Variants in BMPER observed in about 807,000 individuals in gnomAD.
BMPER encodes the protein BMP-binding endothelial regulator protein.
In BMPER, 45 loss-of-function variants were observed where a neutral mutation model predicts 87.3. The observed-to-expected ratio is 0.52, with a 90% CI of 0.41 to 0.66. BMPER has a LOEUF of 0.66. Among genes scored for constraint, BMPER ranks in the 30% least tolerant of loss-of-function variants. The pLI is 0.00. For missense variants in BMPER, 784 were observed against 867.5 expected (o/e 0.90, Z 1.21); for synonymous variants, 326 against 316.2 (o/e 1.03, Z -0.33).
intron 6 of BMPER, among the ~76,000 whole-genome samples, chr7:34,017,362 A>G (rs1029703008): frequency 2.0e-5 from 3 of 151,814 alleles, no homozygotes; most frequent in African/African-American, 4.8e-5. Context: ...GGACCTCACA[A>G]TCATGGTGGA....
At chr7:33,994,146 A>G (rs1192282937) in intron 6 of BMPER, among the ~76,000 whole-genome samples, 4 of 152,152 alleles carry the variant, frequency 2.6e-5, no homozygotes, top group Admixed American at 6.5e-5. Flanking sequence ...GGTGGGCTCC[A>G]CCCAGTTCGA....
intron 6 of BMPER, among the ~76,000 whole-genome samples, chr7:34,039,929 A>C (rs1293440564): frequency 6.6e-6 from 1 of 151,986 alleles, no homozygotes; most frequent in Non-Finnish European, 1.5e-5. Flanking sequence ...GTTATTTGAA[A>C]ATAGAGGATT....
At chr7:34,152,984 A>G in intron 14 of BMPER, 108 bp from the exon 15 acceptor site, 3 of 1,272,600 alleles carry the variant, frequency 2.4e-6, no homozygotes, top group East Asian at 2.3e-5. Flanking sequence ...ATCCTGAGCT[A>G]TGGAAACGTC....
chr7:34,145,026 G>C (rs369990696), intron 14 of BMPER, among the ~76,000 whole-genome samples: 1 of 152,172 alleles, frequency 6.6e-6, no homozygotes, highest in South Asian at 2.1e-4. Flanking sequence ...GTTATAACCT[G>C]GCTGGACATT....
At chr7:34,098,494 G>A (rs535576772) in intron 13 of BMPER, among the ~76,000 whole-genome samples, 2 of 152,212 alleles carry the variant, frequency 1.3e-5, no homozygotes, top group South Asian at 2.1e-4. Context: ...ATCTGGTGAC[G>A]ATACTGGAAT....
At chr7:34,100,751 C>G (rs181262924) in intron 13 of BMPER, among the ~76,000 whole-genome samples, 2 of 152,232 alleles carry the variant, frequency 1.3e-5, no homozygotes, top group Non-Finnish European at 2.9e-5. Flanking sequence ...AATAACTGTT[C>G]TAGTTTATTT....
chr7:34,075,860 G>A (rs532471983), intron 11 of BMPER, among the ~76,000 whole-genome samples: 126 of 152,294 alleles, frequency 8.3e-4, no homozygotes, highest in African/African-American at 2.9e-3. Context: ...ACACTCTCTA[G>A]TGCACAAGTT....
chr7:33,957,375 T>A (rs2128615119), intron 3 of BMPER, among the ~76,000 whole-genome samples: 1 of 150,316 alleles, frequency 6.7e-6, no homozygotes, highest in East Asian at 1.9e-4. Flanking sequence ...TACTAGATGA[T>A]CCCTTTAATA....
rs541153954 is a variant in BMPER, at chr7:33,994,544, C to G, written c.576+19760C>G. ...CTGGCGCTCCCTAGTGAGATGAACCCGGTGCCTCAGATGGAAATGCAGAAA... is the reference window on the plus strand; with the variant it reads ...CTGGCGCTCCCTAGTGAGATGAACCGGGTGCCTCAGATGGAAATGCAGAAA... On this transcript the variant is annotated intron_variant, in intron 6 of 14. Transcript: ENST00000649409. 1.2e-4 allele frequency among the ~76,000 whole-genome samples: 19 copies of G among 152,166 alleles called. 1 individual carries two copies. Among genetic ancestry groups the G allele is most frequent in the Non-Finnish European group, 4.4e-5 (3 of 68,036 alleles).
At chr7:33,994,113 G>T (rs1485779354) in intron 6 of BMPER, among the ~76,000 whole-genome samples, 1 of 52,326 alleles carries the variant, frequency 1.9e-5, no homozygotes, top group Non-Finnish European at 4.9e-5. Context: ...GCCTACAGAG[G>T]CAGGCAGGCC....
intron 13 of BMPER, among the ~76,000 whole-genome samples, chr7:34,119,006 T>A (rs1419737975): frequency 0.038 from 1,518 of 39,682 alleles, 17 homozygotes; most frequent in Middle Eastern, 0.12. Flanking sequence ...TGTCTCTCTC[T>A]CTCTCTCTCA....
intron 13 of BMPER, among the ~76,000 whole-genome samples, chr7:34,094,608 G>T (rs1489175789): frequency 6.6e-6 from 1 of 152,220 alleles, no homozygotes; most frequent in African/African-American, 2.4e-5. Flanking sequence ...AGTTGGTTTT[G>T]CAGCCAGACT....
chr7:34,036,236 T>A (rs1368569688), intron 6 of BMPER, among the ~76,000 whole-genome samples: 1 of 152,174 alleles, frequency 6.6e-6, no homozygotes, highest in East Asian at 1.9e-4. Flanking sequence ...TGATGAAAGT[T>A]TGAACTTTGA....
At chr7:34,097,845 A>C (rs1257785460) in intron 13 of BMPER, among the ~76,000 whole-genome samples, 1 of 152,138 alleles carries the variant, frequency 6.6e-6, no homozygotes, top group African/African-American at 2.4e-5. Context: ...TCTTCTGTGC[A>C]ATCAATTGCT....
chr7:33,905,970 T>C (rs1357250003), intron 1 of BMPER, among the ~76,000 whole-genome samples: 1 of 152,226 alleles, frequency 6.6e-6, no homozygotes, highest in Non-Finnish European at 1.5e-5. Context: ...ATAATAGACA[T>C]TCTTCTATTT....
rs561626555 is a variant in BMPER, at chr7:34,042,392, G to A, written c.577-3914G>A. ...TGACCAGATAAGAATACAGTCATTT[G>A]TCCTTATGTATTTTAACCACTTAGG... is the stretch of plus-strand genomic sequence containing the variant. On this transcript the variant is annotated intron_variant, in intron 6 of 14. Transcript: ENST00000649409. 7.2e-5 allele frequency among the ~76,000 whole-genome samples: 11 copies of A among 152,182 alleles called. No homozygotes were observed. The South Asian group carries it at 2.3e-3, about 32-fold the overall frequency.
At chr7:34,030,685 A>C (rs546075653) in intron 6 of BMPER, among the ~76,000 whole-genome samples, 9 of 151,936 alleles carry the variant, frequency 5.9e-5, no homozygotes, top group Non-Finnish European at 1.2e-4. Flanking sequence ...GCAGTGGTGC[A>C]ATCATAGCTC....
intron 13 of BMPER, among the ~76,000 whole-genome samples, chr7:34,103,394 C>T (rs1259579822): frequency 1.3e-5 from 2 of 152,150 alleles, no homozygotes; most frequent in South Asian, 4.1e-4. Context: ...AGATGTTTCC[C>T]GTAACCATAT....
intron 3 of BMPER, among the ~76,000 whole-genome samples, chr7:33,962,699 G>A (rs1363006868): frequency 6.6e-6 from 1 of 152,040 alleles, no homozygotes; most frequent in Non-Finnish European, 1.5e-5. Flanking sequence ...CACACCTCCC[G>A]CTGCAGTACT....
Sources: gnomAD v4.1 joint callset for allele counts (sites outside exome capture counted in the v4.1 genomes callset) on GRCh38, gnomAD v4.1.1 for gene constraint, MANE v1.5 for transcripts, NCBI Gene and HGNC (gene_info 2026-07-23, HGNC 2026-07-21) for gene names.